Variants in CADM2 observed in about 807,000 individuals in gnomAD.
CADM2 encodes the protein cell adhesion molecule 2, also known as immunoglobulin superfamily member 4D.
In CADM2, 12 loss-of-function variants were observed where a neutral mutation model predicts 49.8. The observed-to-expected ratio is 0.24, with a 90% CI of 0.15 to 0.39. The LOEUF (loss-of-function observed/expected upper bound fraction) is 0.39. Ranked by LOEUF, CADM2 falls within the 10% of genes least tolerant of loss-of-function variation. CADM2 has a pLI of 1.00. For missense variants in CADM2, 378 were observed against 492.3 expected, an observed-to-expected ratio of 0.77 and a Z score of 2.20; for synonymous variants, 214 against 175.4, an observed-to-expected ratio of 1.22 and a Z score of -1.74.
chr3:85,916,009 T>C (rs771552672), intron 6 of CADM2, among the ~76,000 whole-genome samples: 26 of 152,118 alleles, frequency 1.7e-4, no homozygotes, highest in Non-Finnish European at 3.1e-4. Context: ...GAAAAAAGTA[T>C]AGTAGGAGGA....
intron 1 of CADM2, among the ~76,000 whole-genome samples, chr3:85,357,071 A>T (rs2031923739): frequency 6.6e-6 from 1 of 152,160 alleles, no homozygotes; most frequent in East Asian, 1.9e-4. Flanking sequence ...TTAAATTGAA[A>T]TTTTGTTATT....
intron 8 of CADM2, among the ~76,000 whole-genome samples, chr3:86,042,033 G>A (rs531178018): frequency 1.3e-5 from 2 of 152,240 alleles, no homozygotes; most frequent in East Asian, 1.9e-4. Context: ...AAACCAAGGA[G>A]AACAAAGACA....
chr3:85,319,804 G>GA, intron 1 of CADM2, among the ~76,000 whole-genome samples: 1 of 152,128 alleles, frequency 6.6e-6, no homozygotes, highest in Admixed American at 6.5e-5. Context: ...AAGAGGATCA[G>GA]AAAAAATACC....
At chr3:85,133,871 C>T (rs1575947962) in intron 1 of CADM2, among the ~76,000 whole-genome samples, 1 of 152,230 alleles carries the variant, frequency 6.6e-6, no homozygotes, top group Non-Finnish European at 1.5e-5. Context: ...CGCTCCTCAG[C>T]CCTTGGGTGG....
intron 1 of CADM2, among the ~76,000 whole-genome samples, chr3:85,011,116 A>G (rs760046587): frequency 1.3e-5 from 2 of 151,770 alleles, no homozygotes; most frequent in Non-Finnish European, 1.5e-5. Flanking sequence ...CGCCCGCCTC[A>G]GCCTCCCAAA....
chr3:85,867,719 A>G (rs1206352293), intron 3 of CADM2, among the ~76,000 whole-genome samples: 1 of 152,046 alleles, frequency 6.6e-6, no homozygotes, highest in Non-Finnish European at 1.5e-5. Flanking sequence ...AATTATGCTT[A>G]TTTTATGGGC....
chr3:86,029,774 C>T (rs949037320), intron 8 of CADM2, among the ~76,000 whole-genome samples: 3 of 151,966 alleles, frequency 2.0e-5, no homozygotes, highest in Admixed American at 6.6e-5. Flanking sequence ...AAATGCCCAG[C>T]CTTCTCCTGA....
chr3:85,483,252 T>C (rs1479492138), intron 1 of CADM2, among the ~76,000 whole-genome samples: 2 of 151,574 alleles, frequency 1.3e-5, no homozygotes, highest in Non-Finnish European at 3.0e-5. Context: ...AGAAACTCTG[T>C]ATTCCTTAAA....
At chr3:85,981,660 A>G (rs1455056300) in intron 8 of CADM2, among the ~76,000 whole-genome samples, 1 of 151,680 alleles carries the variant, frequency 6.6e-6, no homozygotes, top group African/African-American at 2.4e-5. Context: ...CTGCAGCTGC[A>G]TCTTTGCTGC....
At chr3:85,311,880 A>G (rs555231865) in intron 1 of CADM2, among the ~76,000 whole-genome samples, 1 of 152,294 alleles carries the variant, frequency 6.6e-6, no homozygotes, top group Admixed American at 6.5e-5. Context: ...CTCCAGCAGA[A>G]AACAGTCGTG....
chr3:85,086,748 A>T (rs1012020073), intron 1 of CADM2, among the ~76,000 whole-genome samples: 1 of 152,020 alleles, frequency 6.6e-6, no homozygotes, highest in Admixed American at 6.6e-5. Flanking sequence ...AGTGTAAATG[A>T]TCTGCCCACC....
At chr3:85,396,556 G>A (rs185248370) in intron 1 of CADM2, among the ~76,000 whole-genome samples, 4 of 151,918 alleles carry the variant, frequency 2.6e-5, no homozygotes, top group Non-Finnish European at 4.4e-5. Context: ...AAAATTATAC[G>A]CTATGCAGTC....
intron 1 of CADM2, among the ~76,000 whole-genome samples, chr3:85,434,479 A>C (rs1429511699): frequency 2.6e-5 from 4 of 152,052 alleles, no homozygotes; most frequent in Admixed American, 2.6e-4. Context: ...AATGTTTTAG[A>C]AACTGTTATA....
At chr3:85,413,497 C>A (rs975524727) in intron 1 of CADM2, among the ~76,000 whole-genome samples, 7 of 152,066 alleles carry the variant, frequency 4.6e-5, no homozygotes, top group African/African-American at 1.7e-4. Flanking sequence ...TTATTTGGCT[C>A]ATGGTTCTGC....
chr3:85,003,502 A>C (rs1480108141), intron 1 of CADM2, among the ~76,000 whole-genome samples: 2 of 152,176 alleles, frequency 1.3e-5, no homozygotes, highest in Non-Finnish European at 2.9e-5. Flanking sequence ...ATCAAACAGC[A>C]AAGTGGAATC....
At chr3:85,345,606 T>G (rs1174270516) in intron 1 of CADM2, among the ~76,000 whole-genome samples, 2 of 152,086 alleles carry the variant, frequency 1.3e-5, no homozygotes, top group Non-Finnish European at 2.9e-5. Context: ...CCTGAAGAAT[T>G]TTAAAAAATG....
At position 85,802,180 on chromosome 3, in the gene CADM2, CT is replaced by C; in HGVS notation, c.225del (p.Phe75LeufsTer7). 1.2e-6 allele frequency: 2 copies of C among 1,610,910 alleles called. No homozygotes were observed. Among genetic ancestry groups the C allele is most frequent in the Non-Finnish European group, 1.7e-6 (2 of 1,178,460 alleles). On this transcript the variant is annotated frameshift_variant, in exon 3 of 10. Transcript: ENST00000383699. LOFTEE classifies it high-confidence loss of function. ...WSNPAQQTLY[F>X]DDKKALRDNR... ...CAAATCCAGCTCAACAGACTCTGTA[CT>C]TTGACGACAAGAAAGGTGAATACAT...
At chr3:85,143,029 G>GA (rs1257216272) in intron 1 of CADM2, among the ~76,000 whole-genome samples, 4 of 152,070 alleles carry the variant, frequency 2.6e-5, no homozygotes, top group Non-Finnish European at 5.9e-5. Flanking sequence ...TTATCTTAGA[G>GA]AAAAAATTCC....
intron 1 of CADM2, chr3:84,960,120 T>G: frequency 1.1e-5 from 2 of 185,796 alleles, no homozygotes; most frequent in Non-Finnish European, 2.2e-5. Flanking sequence ...TTCCCCCTCT[T>G]CCCACCATCA....
Sources: allele counts gnomAD v4.1 joint callset (sites outside exome capture counted in the v4.1 genomes callset), GRCh38; gene constraint gnomAD v4.1.1; transcripts MANE v1.5; gene names NCBI Gene and HGNC (gene_info 2026-07-23, HGNC 2026-07-21).